Variants in TUSC3 observed in about 807,000 individuals in gnomAD.
The protein encoded by TUSC3 is dolichyl-diphosphooligosaccharide--protein glycosyltransferase subunit TUSC3.
A neutral mutation model predicts 44.8 loss-of-function variants in TUSC3; 45 were observed. That is an observed-to-expected ratio of 1.00 (90% confidence interval 0.79 to 1.29). The LOEUF is 1.29. Among genes scored for constraint, TUSC3 ranks in the 50% most tolerant of loss-of-function variants. The pLI is 0.00. For synonymous variants in TUSC3, 212 were observed against 152.9 expected, an observed-to-expected ratio of 1.39 and a Z score of -2.85; for missense variants, 519 against 437.9, an observed-to-expected ratio of 1.19 and a Z score of -1.65.
chr8:15,566,624 G>T (rs777731640), intron 1 of TUSC3, among the ~76,000 whole-genome samples: 35 of 150,704 alleles, frequency 2.3e-4, no homozygotes, highest in Admixed American at 1.6e-3. Context: ...TGTTGTTGTT[G>T]TTGTTTTTTT....
At chr8:15,537,020 A>G (rs1420291376), upstream of TUSC3, among the ~76,000 whole-genome samples, 1 of 152,186 alleles carries the variant, frequency 6.6e-6, no homozygotes, top group African/African-American at 2.4e-5. Context: ...AAAAATCCAC[A>G]TTCTATACAG....
At chr8:15,784,515 T>C in the TUSC3 span, among the ~76,000 whole-genome samples, 4 of 147,076 alleles carry the variant, frequency 2.7e-5, no homozygotes, top group African/African-American at 5.0e-5. Flanking sequence ...TGTGTGTGTG[T>C]GCATATATAT....
At chr8:15,816,263 G>A in the TUSC3 span, among the ~76,000 whole-genome samples, 13 of 152,166 alleles carry the variant, frequency 8.5e-5, no homozygotes, top group African/African-American at 3.1e-4. Flanking sequence ...TGGGTTTGCA[G>A]AGGGGATAGT....
chr8:15,617,132 G>GTGTGTGTGTGTT (rs375212684), intron 1 of TUSC3, among the ~76,000 whole-genome samples: 4 of 77,614 alleles, frequency 5.2e-5, no homozygotes, highest in African/African-American at 1.7e-4. Context: ...GTGTGTGTGT[G>GTGTGTGTGTGTT]TATATATTTT....
chr8:15,438,777 T>G (rs1462459376), intron 1 of TUSC3, among the ~76,000 whole-genome samples: 1 of 152,174 alleles, frequency 6.6e-6, no homozygotes, highest in Non-Finnish European at 1.5e-5. Context: ...TTGGGTAAAT[T>G]TCTCCTGACA....
intron 6 of TUSC3, chr8:15,689,411 C>G (rs1808790660): frequency 4.9e-6 from 1 of 203,142 alleles, no homozygotes; most frequent in South Asian, 6.8e-5. Flanking sequence ...CGAAGGCGAC[C>G]TTGTTGTTCT....
intron 1 of TUSC3, among the ~76,000 whole-genome samples, chr8:15,615,276 TG>T (rs1163294540): frequency 2.0e-5 from 3 of 152,360 alleles, no homozygotes; most frequent in Admixed American, 2.0e-4. Flanking sequence ...GTTATTCAGC[TG>T]TAAGAAGAAA....
intron 1 of TUSC3, among the ~76,000 whole-genome samples, chr8:15,574,212 T>C (rs933159127): frequency 6.6e-6 from 1 of 152,118 alleles, no homozygotes; most frequent in South Asian, 2.1e-4. Context: ...TCTCCCTAAT[T>C]CCTTACTCCC....
At chr8:15,431,771 T>TA (rs1799876295) in intron 1 of TUSC3, among the ~76,000 whole-genome samples, 1 of 135,650 alleles carries the variant, frequency 7.4e-6, no homozygotes, top group Admixed American at 1.1e-4. Flanking sequence ...TTCAGTTTTT[T>TA]ACCATTGACT....
At chr8:15,684,408 A>G (rs1808543383) in intron 6 of TUSC3, among the ~76,000 whole-genome samples, 1 of 152,050 alleles carries the variant, frequency 6.6e-6, no homozygotes, top group Non-Finnish European at 1.5e-5. Flanking sequence ...CGTGTGTACA[A>G]CTGGTATATT....
chr8:15,767,857 A>G (rs919164713), downstream of TUSC3, among the ~76,000 whole-genome samples: 7 of 152,188 alleles, frequency 4.6e-5, no homozygotes, highest in Non-Finnish European at 8.8e-5. Context: ...ACAAATAGAC[A>G]TACACTGAAA....
At chr8:15,665,915 T>G (rs1327567344) in intron 5 of TUSC3, among the ~76,000 whole-genome samples, 1 of 151,418 alleles carries the variant, frequency 6.6e-6, no homozygotes, top group Admixed American at 6.6e-5. Context: ...TGATTGGTTC[T>G]GGTTCTGGTT....
At chr8:15,719,205 A>T (rs113930430) in intron 6 of TUSC3, among the ~76,000 whole-genome samples, 2 of 152,062 alleles carry the variant, frequency 1.3e-5, no homozygotes, top group African/African-American at 4.8e-5. Flanking sequence ...CTAAGTCTTC[A>T]CCAGCACATT....
At chr8:15,444,131 C>T (rs1563252278) in intron 1 of TUSC3, among the ~76,000 whole-genome samples, 2 of 152,162 alleles carry the variant, frequency 1.3e-5, no homozygotes. Context: ...GTATTATATT[C>T]ATAAGCAATT....
intron 6 of TUSC3, among the ~76,000 whole-genome samples, chr8:15,686,791 G>C (rs993670468): frequency 1.3e-5 from 2 of 152,100 alleles, no homozygotes; most frequent in Non-Finnish European, 2.9e-5. Context: ...CCAGCTGGCC[G>C]GGCGTGGTGG....
rs182942108 is a variant in TUSC3, at chr8:15,516,705, C to G, written n.189+33222C>G. 7.4e-4 allele frequency among the ~76,000 whole-genome samples: 112 copies of G among 152,168 alleles called. 2 individuals carry two copies. Among genetic ancestry groups the G allele is most frequent in the African/African-American group, 2.6e-3 (106 of 41,512 alleles). ...TCACTTTTGGCAGGCCATATTTAGA[C>G]AAATTAATCCTATGAAATATAAAAG... On this transcript the variant is annotated intron_variant and non_coding_transcript_variant, in intron 2 of 5. Transcript: ENST00000503191.
downstream of TUSC3, among the ~76,000 whole-genome samples, chr8:15,769,923 G>C (rs1254618931): frequency 6.6e-6 from 1 of 152,204 alleles, no homozygotes; most frequent in African/African-American, 2.4e-5. Context: ...ACAGGTGCTA[G>C]AGAGGATGTG....
chr8:15,615,920 CTT>C (rs1384560993), intron 1 of TUSC3, among the ~76,000 whole-genome samples: 1 of 152,130 alleles, frequency 6.6e-6, no homozygotes, highest in East Asian at 1.9e-4. Flanking sequence ...GTGGCTTGAA[CTT>C]GTGGACTCAA....
the TUSC3 span, among the ~76,000 whole-genome samples, chr8:15,816,756 G>A: frequency 5.7e-4 from 86 of 152,116 alleles, no homozygotes; most frequent in Middle Eastern, 6.8e-3. Flanking sequence ...ACAGAGAAAC[G>A]GCATGTTTTT....
Sources: gnomAD v4.1 joint callset for allele counts (sites outside exome capture counted in the v4.1 genomes callset) on GRCh38, gnomAD v4.1.1 for gene constraint, MANE v1.5 for transcripts, NCBI Gene and HGNC (gene_info 2026-07-23, HGNC 2026-07-21) for gene names.